The following PHACTR1 variants were observed in gnomAD, a reference collection of about 807,000 sequenced individuals.
PHACTR1 encodes RPEL repeat containing 1.
PHACTR1 carries 16 observed loss-of-function variants against 69.2 expected under a neutral mutation model. The ratio of observed to expected loss-of-function variants is 0.23; its 90% CI spans 0.16 to 0.35. The LOEUF (loss-of-function observed/expected upper bound fraction) is 0.35, where lower values mean the gene tolerates loss of function less well. PHACTR1 is among the 10% of genes least tolerant of loss of function. The probability of loss-of-function intolerance (pLI) is 1.00; values close to 1 mark genes in which losing one functional copy is unlikely to be tolerated. For synonymous variants in PHACTR1, 312 were observed against 284.5 expected, an observed-to-expected ratio of 1.10 and a Z score of -0.97; for missense variants, 510 against 734.7, an observed-to-expected ratio of 0.69 and a Z score of 3.54.
chr6:13,267,663 T>C (rs1001832768), intron 10 of PHACTR1: 5 of 152,120 alleles, frequency 3.3e-5, no homozygotes. Context: ...ATCACAGATG[T>C]GCACCTCTAG....
chr6:12,856,285 G>T (rs1417143966), intron 4 of PHACTR1, among the ~76,000 whole-genome samples: 1 of 126,476 alleles, frequency 7.9e-6, no homozygotes, highest in East Asian at 2.2e-4. Flanking sequence ...CAGGAGTTTC[G>T]CTCTGTCGCC....
Position 13,160,254 on chromosome 6 carries a change from C to G in PHACTR1, c.466C>G (p.Arg156Gly), listed in dbSNP as rs1272530710. The G allele has an allele frequency of 6.2e-7, 1 of 1,613,660 alleles. No individual in the cohort carries two copies. Among genetic ancestry groups the G allele is most frequent in the Admixed American group, 1.7e-5 (1 of 60,012 alleles). ...MRQSREELIK[R>G]GVLKEIYDKD... is the part of the protein sequence containing the mutation. ...GCAAAGCAGAGAAGAGCTGATAAAGCGAGGAGTCCTGAAGGAAATCTATGA... is the reference window on the plus strand; with the variant it reads ...GCAAAGCAGAGAAGAGCTGATAAAGGGAGGAGTCCTGAAGGAAATCTATGA... Residue 156 changes from arginine (R) to glycine (G), a missense_variant, in exon 6 of 15, where the codon CGA becomes GGA. Physicochemically the swap from Arg to Gly is moderately radical, Grantham distance 125. Transcript: ENST00000332995.
intron 4 of PHACTR1, among the ~76,000 whole-genome samples, chr6:12,767,467 T>C (rs192743457): frequency 6.6e-6 from 1 of 152,334 alleles, no homozygotes; most frequent in African/African-American, 2.4e-5. Context: ...TTCATTTGCT[T>C]TCCAAATAGT....
chr6:13,273,958 G>A (rs1238656100), intron 11 of PHACTR1: 6 of 145,524 alleles, frequency 4.1e-5, no homozygotes, highest in African/African-American at 1.6e-4. Context: ...CGCAGTGTGA[G>A]TTTGCCGGGA....
chr6:12,740,490 G>C (rs768216122), intron 3 of PHACTR1, among the ~76,000 whole-genome samples: 2 of 151,946 alleles, frequency 1.3e-5, no homozygotes, highest in Non-Finnish European at 2.9e-5. Flanking sequence ...AAGTAATGTC[G>C]CTGAGTATCT....
chr6:12,937,317 A>G (rs1301697033), intron 4 of PHACTR1, among the ~76,000 whole-genome samples: 1 of 152,144 alleles, frequency 6.6e-6, no homozygotes. Flanking sequence ...TAATGCAGTC[A>G]TTCATTTATT....
At chr6:13,068,185 C>T (rs62388202) in intron 5 of PHACTR1, among the ~76,000 whole-genome samples, 15,395 of 152,104 alleles carry the variant, frequency 0.1, 1,026 homozygotes, top group Non-Finnish European at 0.15. Context: ...AGCATAGTGG[C>T]GTGCGCCTGT....
intron 5 of PHACTR1, among the ~76,000 whole-genome samples, chr6:13,107,028 G>T (rs974665841): frequency 2.6e-5 from 4 of 152,072 alleles, no homozygotes; most frequent in Admixed American, 1.3e-4. Context: ...TAATGTCTTT[G>T]TTAGGTTTTG....
chr6:13,057,216 C>T (rs1806927481), intron 5 of PHACTR1, among the ~76,000 whole-genome samples: 1 of 152,116 alleles, frequency 6.6e-6, no homozygotes, highest in Non-Finnish European at 1.5e-5. Context: ...TTGATCACTA[C>T]ACATTGTATA....
intron 4 of PHACTR1, among the ~76,000 whole-genome samples, chr6:12,775,897 T>C (rs918700237): frequency 3.9e-5 from 6 of 152,138 alleles, no homozygotes; most frequent in African/African-American, 1.2e-4. Flanking sequence ...TTAATAAAAA[T>C]AATTACTTTA....
chr6:12,747,957 T>C (rs910371479), intron 3 of PHACTR1, among the ~76,000 whole-genome samples: 105 of 152,258 alleles, frequency 6.9e-4, no homozygotes, highest in African/African-American at 2.5e-3. Context: ...ATTAGGGAGA[T>C]AGCCTAGCAA....
At chr6:12,768,946 T>A (rs1769032315) in intron 4 of PHACTR1, among the ~76,000 whole-genome samples, 1 of 149,974 alleles carries the variant, frequency 6.7e-6, no homozygotes, top group African/African-American at 2.5e-5. Flanking sequence ...TTATATTAAG[T>A]GAAATAAACC....
intron 5 of PHACTR1, among the ~76,000 whole-genome samples, chr6:13,075,915 T>C (rs545102042): frequency 6.6e-6 from 1 of 152,236 alleles, no homozygotes; most frequent in African/African-American, 2.4e-5. Flanking sequence ...ACTAGATTAA[T>C]ACAGCTAAGA....
intron 12 of PHACTR1, chr6:13,281,403 A>G: frequency 3.3e-6 from 1 of 303,058 alleles, no homozygotes; most frequent in East Asian, 9.9e-5. Context: ...AAAATACAAA[A>G]ATTAGCCGGA....
At chr6:12,969,060 A>G (rs1420720437) in intron 4 of PHACTR1, among the ~76,000 whole-genome samples, 1 of 152,162 alleles carries the variant, frequency 6.6e-6, no homozygotes, top group Non-Finnish European at 1.5e-5. Context: ...ACACTTGGAG[A>G]AACAAGGTTC....
rs1211856981 is a variant in PHACTR1, at chr6:12,860,606, CCCA to C, written c.250+110820_250+110822del. Among the ~76,000 whole-genome samples, 7 of 152,296 alleles carry C rather than the reference CCCA, an allele frequency of 4.6e-5. No individual in the cohort carries two copies. In the East Asian group the frequency reaches 1.2e-3, roughly 25 times the overall value. On this transcript the variant is annotated intron_variant, in intron 4 of 14. Coordinates refer to ENST00000332995, the MANE Select transcript of PHACTR1 (RefSeq NM_030948.6). ...CACAATGGTTGAACTAATTTACACTCCCACCAACAGTGTAAAAGCATTCCTGTT... is the reference window on the plus strand; with the variant it reads ...CACAATGGTTGAACTAATTTACACTCCCAACAGTGTAAAAGCATTCCTGTT...
intron 3 of PHACTR1, among the ~76,000 whole-genome samples, chr6:12,733,794 A>G (rs567472022): frequency 6.6e-6 from 1 of 152,382 alleles, no homozygotes; most frequent in East Asian, 1.9e-4. Context: ...TAGAAATACT[A>G]GAACCTTTAG....
At chr6:12,760,578 G>C (rs893942338) in intron 4 of PHACTR1, among the ~76,000 whole-genome samples, 2 of 152,084 alleles carry the variant, frequency 1.3e-5, no homozygotes, top group Admixed American at 6.6e-5. Context: ...AAAAGGGGAG[G>C]AGAAATAGAA....
At chr6:13,254,690 T>A (rs1221218887) in intron 10 of PHACTR1, among the ~76,000 whole-genome samples, 1 of 152,124 alleles carries the variant, frequency 6.6e-6, no homozygotes, top group African/African-American at 2.4e-5. Flanking sequence ...ATTATAAAGG[T>A]GTGGGCAGGC....
Sources: allele counts gnomAD v4.1 joint callset (sites outside exome capture counted in the v4.1 genomes callset), GRCh38; gene constraint gnomAD v4.1.1; transcripts MANE v1.5; gene names NCBI Gene and HGNC (gene_info 2026-07-23, HGNC 2026-07-21).